The following CSMD2 variants were observed in gnomAD, a reference collection of about 807,000 sequenced individuals.
CSMD2 encodes the protein CUB and sushi domain-containing protein 2.
A neutral mutation model predicts 398.5 loss-of-function variants in CSMD2; 130 were observed. That is an observed-to-expected ratio of 0.33 (90% CI 0.28 to 0.38). CSMD2 has a LOEUF of 0.38. Among genes scored for constraint, CSMD2 ranks in the 10% least tolerant of loss-of-function variants. The pLI is 1.00. For synonymous variants in CSMD2, 1,828 were observed against 1,908.5 expected (o/e 0.96, Z 1.10); for missense variants, 3,829 against 4,764.9 (o/e 0.80, Z 5.78).
At chr1:34,123,129 G>A (rs1224797023) in intron 1 of CSMD2, among the ~76,000 whole-genome samples, 1 of 152,184 alleles carries the variant, frequency 6.6e-6, no homozygotes, top group East Asian at 1.9e-4. Flanking sequence ...GTTCAAAGTG[G>A]GGCTGATCAC....
chr1:33,892,598 C>T (rs1043527779), intron 5 of CSMD2, among the ~76,000 whole-genome samples: 1 of 152,200 alleles, frequency 6.6e-6, no homozygotes, highest in Non-Finnish European at 1.5e-5. Context: ...TGAGCTACTC[C>T]TCTTAGAATA....
In CSMD2 at chr1:33,935,957, G is replaced by A; in HGVS notation, c.518-3C>T. On this transcript the variant is annotated splice_region_variant and splice_polypyrimidine_tract_variant and intron_variant, in intron 3 of 70. Coordinates refer to ENST00000373381, the MANE Select transcript of CSMD2 (RefSeq NM_001281956.2). ...CCCACATGTGTGGCTGGGGAGAACT[G>A]TGAGGAGAAACAGAGAAAGAGACGG... 3 of 1,604,840 alleles carry A rather than the reference G, an allele frequency of 1.9e-6. No homozygotes were observed. The highest frequency in any genetic ancestry group is 2.6e-6 in the Non-Finnish European group (3 of 1,175,646).
intron 55 of CSMD2, among the ~76,000 whole-genome samples, chr1:33,550,562 T>C (rs1657349978): frequency 1.3e-5 from 2 of 152,262 alleles, no homozygotes; most frequent in African/African-American, 4.8e-5. Context: ...TGAGGAATAA[T>C]ACCTTCTCAG....
At chr1:33,557,608 A>G in intron 55 of CSMD2, 126 bp downstream of exon 55, 1 of 867,728 alleles carries the variant, frequency 1.2e-6, no homozygotes, top group Non-Finnish European at 1.7e-6. Context: ...GGCAACTCAT[A>G]CATGTGCAGA....
rs188125059 is a variant in CSMD2 at position 33,537,928 on chromosome 1, C to A, written c.9632-319G>T. Among the ~76,000 whole-genome samples the A allele has an allele frequency of 6.6e-6, 1 of 152,246 alleles. No homozygotes were observed. The highest frequency in any genetic ancestry group is 2.1e-4 in the South Asian group (1 of 4,832). On this transcript the variant is annotated intron_variant, in intron 60 of 70. Transcript: ENST00000373381. This position sits in a 1 kb window ranked among gnomAD's most constrained non-coding sequence, Gnocchi z 4.6. Reference sequence around the variant, plus strand: ...CTTTTTTTCCATTTTCACGCACATTCTTTTCCAATCTTTGTTCAGTTGTAT... The same window carrying A: ...CTTTTTTTCCATTTTCACGCACATTATTTTCCAATCTTTGTTCAGTTGTAT...
intron 5 of CSMD2, among the ~76,000 whole-genome samples, chr1:33,858,241 T>C (rs546231881): frequency 6.6e-6 from 1 of 152,336 alleles, no homozygotes; most frequent in Admixed American, 6.5e-5. Flanking sequence ...TAGAGATAAG[T>C]TGACTAGATC....
intron 42 of CSMD2, among the ~76,000 whole-genome samples, chr1:33,603,540 G>A (rs1266082958): frequency 2.0e-5 from 3 of 152,220 alleles, no homozygotes; most frequent in African/African-American, 7.2e-5. Context: ...CATCCTGAAA[G>A]TGGTGCACAG....
At chr1:33,704,370 T>C (rs1033246942) in intron 22 of CSMD2, among the ~76,000 whole-genome samples, 9 of 152,218 alleles carry the variant, frequency 5.9e-5, no homozygotes, top group African/African-American at 1.9e-4. Context: ...CTATTGGTGA[T>C]AGTAGAACTA....
Position 33,888,916 on chromosome 1 carries a change from C to G in CSMD2, c.920+29178G>C, listed in dbSNP as rs572797075. 2.6e-5 allele frequency among the ~76,000 whole-genome samples: 4 copies of G among 152,184 alleles called. No individual in the cohort carries two copies. In the East Asian group the frequency reaches 7.8e-4, roughly 30 times the overall value. On this transcript the variant is annotated intron_variant, in intron 5 of 70. Coordinates refer to ENST00000373381, the MANE Select transcript of CSMD2 (RefSeq NM_001281956.2). ...CCTAGTAGCTGGGACTATAGGCGCC[C>G]GCCACCACGCCCGGCTAATTTTGTT...
intron 11 of CSMD2, among the ~76,000 whole-genome samples, chr1:33,791,981 G>C (rs1408900082): frequency 6.6e-6 from 1 of 152,136 alleles, no homozygotes; most frequent in Non-Finnish European, 1.5e-5. Flanking sequence ...CTGATTCTCT[G>C]AAACCATCCA....
At chr1:33,881,474 G>GGCATGGCA (rs1409042709) in intron 5 of CSMD2, among the ~76,000 whole-genome samples, 1 of 152,172 alleles carries the variant, frequency 6.6e-6, no homozygotes, top group Non-Finnish European at 1.5e-5. Flanking sequence ...GAAGCATGAA[G>GGCATGGCA]GCATGGCAGC....
chr1:33,571,078 G>A (rs375121932), intron 51 of CSMD2, among the ~76,000 whole-genome samples: 20 of 152,276 alleles, frequency 1.3e-4, no homozygotes, highest in African/African-American at 9.6e-5. Flanking sequence ...GCAGGTTTAG[G>A]TGACCTGTCG....
In CSMD2 at chr1:33,788,932, G is replaced by A. The variant is rs1044633718; in HGVS notation, c.1551-220C>T. On this transcript the variant is annotated intron_variant, in intron 11 of 70. Transcript: ENST00000373381. ...CTTGGCTGTGGGTAGAATCTCATGG[G>A]TTGAATCACAACTTTGACTCTCTAG... 1.3e-4 allele frequency among the ~76,000 whole-genome samples: 20 copies of A among 152,144 alleles called. 1 individual carries two copies. Among genetic ancestry groups the A allele is most frequent in the Admixed American group, 1.0e-3 (16 of 15,270 alleles).
rs915248774 is a variant in CSMD2 at position 33,820,058 on chromosome 1, G to A, written c.1200-221C>T. On this transcript the variant is annotated intron_variant, in intron 8 of 70. Transcript: ENST00000373381. ...TGGTTTTAGGATTGAGTTAAAAGGT[G>A]ACTTTGTGAGCAAAACAGCGATCCT... 7.2e-5 allele frequency among the ~76,000 whole-genome samples: 11 copies of A among 152,172 alleles called. 1 individual carries two copies. The highest frequency in any genetic ancestry group is 1.3e-4 in the Non-Finnish European group (9 of 68,024).
Position 33,600,849 on chromosome 1 carries a change from A to C in CSMD2, c.6856+16T>G. On this transcript the variant is annotated intron_variant, in intron 44 of 70. Transcript: ENST00000373381. The stretch of plus-strand genomic sequence containing the variant: ...AAAGCCTGGCCCTTCCCACCAGGCC[A>C]GGCTTCCATACTGACCGGAGAAAGC... 2 of 1,613,930 alleles carry C rather than the reference A, an allele frequency of 1.2e-6. No individual in the cohort carries two copies. Among genetic ancestry groups the C allele is most frequent in the Non-Finnish European group, 1.7e-6 (2 of 1,179,894 alleles).
intron 5 of CSMD2, among the ~76,000 whole-genome samples, chr1:33,850,975 A>C (rs1558002555): frequency 6.6e-6 from 1 of 152,218 alleles, no homozygotes; most frequent in Non-Finnish European, 1.5e-5. Flanking sequence ...CTTCTCATGC[A>C]GTCGGGATGT....
chr1:33,970,380 G>A (rs576755339), intron 3 of CSMD2, among the ~76,000 whole-genome samples: 126 of 152,144 alleles, frequency 8.3e-4, no homozygotes, highest in African/African-American at 2.8e-3. Flanking sequence ...GTCCGCAATC[G>A]CTAATCCCAC....
At chr1:33,978,629 G>A (rs12127584) in intron 3 of CSMD2, among the ~76,000 whole-genome samples, 9,447 of 152,172 alleles carry the variant, frequency 0.062, 453 homozygotes, top group East Asian at 0.18. Flanking sequence ...AGTGCTCTAG[G>A]TGGAGAGAAC....
At chr1:34,144,381 A>G (rs1639578382) in intron 1 of CSMD2, among the ~76,000 whole-genome samples, 1 of 152,108 alleles carries the variant, frequency 6.6e-6, no homozygotes, top group African/African-American at 2.4e-5. Flanking sequence ...TCTCTCTCTG[A>G]CCCTTAACTC....
Sources: allele counts gnomAD v4.1 joint callset (sites outside exome capture counted in the v4.1 genomes callset), GRCh38; gene constraint gnomAD v4.1.1; non-coding constraint Gnocchi (gnomAD v3.1); transcripts MANE v1.5; gene names NCBI Gene and HGNC (gene_info 2026-07-23, HGNC 2026-07-21).